The following CLSTN1 variants were observed in gnomAD, a reference collection of about 807,000 sequenced individuals.
The protein encoded by CLSTN1 is calsyntenin 1.
In CLSTN1, 28 loss-of-function variants were observed where a neutral mutation model predicts 108.3. That is an observed-to-expected ratio of 0.26 (90% CI 0.19 to 0.35). CLSTN1 has a LOEUF of 0.35. Ranked by LOEUF, CLSTN1 falls within the 10% of genes least tolerant of loss-of-function variation. The pLI, the probability that CLSTN1 is intolerant of heterozygous loss-of-function variation, is 1.00. For synonymous variants in CLSTN1, 524 were observed against 534.9 expected, an observed-to-expected ratio of 0.98 and a Z score of 0.28; for missense variants, 1,157 against 1,302.6, an observed-to-expected ratio of 0.89 and a Z score of 1.72.
rs188264441 is a variant in CLSTN1, at chr1:9,806,004, A to C, written c.91+17639T>G. On this transcript the variant is annotated intron_variant, in intron 1 of 18. Coordinates refer to ENST00000377298, the MANE Select transcript of CLSTN1 (RefSeq NM_001009566.3). ...ATAAATATCCATAGATAAAACCCAC[A>C]TATGGCTGAGCACGGTGGCTCAAGC... 1.2e-4 allele frequency among the ~76,000 whole-genome samples: 19 copies of C among 152,150 alleles called. No individual in the cohort carries two copies. The East Asian group carries it at 3.7e-3, about 29-fold the overall frequency.
At chr1:9,783,631 G>A (rs535779295) in intron 1 of CLSTN1, among the ~76,000 whole-genome samples, 1 of 151,804 alleles carries the variant, frequency 6.6e-6, no homozygotes, top group East Asian at 1.9e-4. Context: ...CGAGGCAGGT[G>A]GATCACCTGA....
At chr1:9,748,171 C>G (rs1021290602) in intron 7 of CLSTN1, among the ~76,000 whole-genome samples, 1 of 152,150 alleles carries the variant, frequency 6.6e-6, no homozygotes, top group East Asian at 1.9e-4. Flanking sequence ...ACACAAAAGA[C>G]CCTTCCAATT....
At chr1:9,732,668 C>T (rs1457791869) in intron 16 of CLSTN1, among the ~76,000 whole-genome samples, 1 of 152,254 alleles carries the variant, frequency 6.6e-6, no homozygotes, top group Non-Finnish European at 1.5e-5. Flanking sequence ...AGCGATGAAG[C>T]AGCTGCTGGA....
chr1:9,810,370 G>A (rs1310718771), intron 1 of CLSTN1, among the ~76,000 whole-genome samples: 1 of 150,032 alleles, frequency 6.7e-6, no homozygotes, highest in African/African-American at 2.5e-5. Flanking sequence ...CAGCTACTCG[G>A]GAGGCTGAGG....
chr1:9,776,220 G>A (rs560439540), intron 1 of CLSTN1, among the ~76,000 whole-genome samples: 15 of 151,536 alleles, frequency 9.9e-5, no homozygotes, highest in Non-Finnish European at 2.1e-4. Context: ...CGCCCACCTC[G>A]CCTCCCAAAG....
At chr1:9,736,066 G>A (rs774858082) in intron 11 of CLSTN1, 24 bp from the exon 12 acceptor site, 7 of 1,613,798 alleles carry the variant, frequency 4.3e-6, no homozygotes, top group African/African-American at 1.3e-5. Context: ...GAGAAAAGGC[G>A]AAGTCAGGCG....
chr1:9,790,930 G>C (rs146315404), intron 1 of CLSTN1, among the ~76,000 whole-genome samples: 1 of 151,110 alleles, frequency 6.6e-6, no homozygotes, highest in South Asian at 2.2e-4. Context: ...TCAGGAGATC[G>C]AGATCATCCT....
rs757055669 is a variant in CLSTN1 at position 9,730,697 on chromosome 1, C to T, written c.2757G>A (p.Glu919=). ...CCTCCTCCTCACTGCTGTGCTGGTCCTCATAGGTCTGGCAAGGAGAAGTGA... is the reference window on the plus strand; with the variant it reads ...CCTCCTCCTCACTGCTGTGCTGGTCTTCATAGGTCTGGCAAGGAGAAGTGA... ...TITVNPMETY[E]DQHSSEEEEE... The change falls in exon 19 of 19, where the codon GAG becomes GAA. Residue 919 remains glutamate, a synonymous_variant. Coordinates refer to ENST00000377298, the MANE Select transcript of CLSTN1 (RefSeq NM_001009566.3). This position sits in a 1 kb window ranked among gnomAD's most constrained non-coding sequence, Gnocchi z 5.6. 5 of 1,603,522 alleles carry T rather than the reference C, an allele frequency of 3.1e-6. No individual in the cohort carries two copies. Among genetic ancestry groups the T allele is most frequent in the Non-Finnish European group, 4.2e-6 (5 of 1,177,420 alleles).
chr1:9,810,042 G>C (rs1326782953), intron 1 of CLSTN1, among the ~76,000 whole-genome samples: 1 of 133,798 alleles, frequency 7.5e-6, no homozygotes, highest in African/African-American at 2.9e-5. Context: ...CTGAGAAAGA[G>C]AGAGAGAGAA....
At chr1:9,788,034 C>A (rs1384293607) in intron 1 of CLSTN1, among the ~76,000 whole-genome samples, 1 of 151,322 alleles carries the variant, frequency 6.6e-6, no homozygotes, top group African/African-American at 2.4e-5. Context: ...GAAGGTGGAT[C>A]GCTTGAGTTC....
At chr1:9,789,634 A>C (rs1345899924) in intron 1 of CLSTN1, among the ~76,000 whole-genome samples, 1 of 151,542 alleles carries the variant, frequency 6.6e-6, no homozygotes, top group Admixed American at 6.7e-5. Context: ...TCTAAAAGAT[A>C]ACAACTCTTT....
intron 1 of CLSTN1, among the ~76,000 whole-genome samples, chr1:9,776,042 A>T (rs1281059570): frequency 6.7e-6 from 1 of 149,350 alleles, no homozygotes; most frequent in Non-Finnish European, 1.5e-5. Flanking sequence ...GCGCGATCTC[A>T]GCTCACTGCA....
rs755018559 is a variant in CLSTN1, at chr1:9,744,546, C to T, written c.1083G>A (p.Gln361=). The change falls in exon 8 of 19, where the codon CAG becomes CAA. Residue 361 remains glutamine, a synonymous_variant. Coordinates refer to ENST00000377298, the MANE Select transcript of CLSTN1 (RefSeq NM_001009566.3). ...LPTDNGHDSD[Q]VFEFNGTQAV... ...CCTGGGTGCCGTTGAACTCAAACAC[C>T]TGGTCGCTGTCGTGGCCATTGTCGG... is the stretch of plus-strand genomic sequence containing the variant. 3.1e-6 allele frequency: 5 copies of T among 1,613,690 alleles called. No homozygotes were observed. In the Admixed American group the frequency reaches 6.7e-5, roughly 22 times the overall value.
intron 1 of CLSTN1, among the ~76,000 whole-genome samples, chr1:9,815,431 T>C (rs1654930707): frequency 6.6e-6 from 1 of 152,134 alleles, no homozygotes; most frequent in Non-Finnish European, 1.5e-5. Context: ...GAGTAGAAAT[T>C]ATATGAGAGA....
intron 10 of CLSTN1, among the ~76,000 whole-genome samples, chr1:9,738,494 A>C (rs1650807241): frequency 6.6e-6 from 1 of 152,272 alleles, no homozygotes; most frequent in Non-Finnish European, 1.5e-5. Flanking sequence ...CTCCACACAC[A>C]CCAAGACTCC....
Position 9,749,784 on chromosome 1 carries a change from G to C in CLSTN1, c.779C>G (p.Thr260Ser). ...CTCACCTTGCCACCCAGGGGTGCAG[G>C]TGGGCTTAATGCTGATCTTCACCAA... ...DVLVKISIKP[T>S]CTPGWQGWNN... The change falls in exon 6 of 19, where the codon ACC becomes AGC. Residue 260 changes from threonine to serine, a missense_variant. Thr to Ser is a moderately conservative substitution (Grantham distance 58). Transcript: ENST00000377298. 2.5e-6 allele frequency: 4 copies of C among 1,614,208 alleles called. No homozygotes were observed. The highest frequency in any genetic ancestry group is 3.4e-6 in the Non-Finnish European group (4 of 1,180,052).
intron 1 of CLSTN1, among the ~76,000 whole-genome samples, chr1:9,803,043 C>A (rs956315187): frequency 6.6e-6 from 1 of 152,024 alleles, no homozygotes; most frequent in Non-Finnish European, 1.5e-5. Context: ...AGGCTGGTCT[C>A]AAACTCCTGG....
At chr1:9,788,514 G>A (rs1223836953) in intron 1 of CLSTN1, among the ~76,000 whole-genome samples, 2 of 150,874 alleles carry the variant, frequency 1.3e-5, no homozygotes, top group Non-Finnish European at 2.9e-5. Flanking sequence ...GTTGCAGTGA[G>A]CTGAGATCAT....
At chr1:9,744,995 G>T (rs905900587) in intron 7 of CLSTN1, among the ~76,000 whole-genome samples, 1 of 152,134 alleles carries the variant, frequency 6.6e-6, no homozygotes, top group African/African-American at 2.4e-5. Context: ...CTCGTGATCC[G>T]CCTGACTCGG....
Sources: gnomAD v4.1 joint callset for allele counts (sites outside exome capture counted in the v4.1 genomes callset) on GRCh38, gnomAD v4.1.1 for gene constraint, Gnocchi (gnomAD v3.1) non-coding constraint, MANE v1.5 for transcripts, NCBI Gene and HGNC (gene_info 2026-07-23, HGNC 2026-07-21) for gene names.